Variants in RBPMS observed in about 807,000 individuals in gnomAD.
The protein encoded by RBPMS is RNA binding protein, mRNA processing factor.
In RBPMS, 7 loss-of-function variants were observed where a neutral mutation model predicts 26.8. The ratio of observed to expected loss-of-function variants is 0.26; its 90% CI spans 0.15 to 0.49. The LOEUF is 0.49. RBPMS is among the 20% of genes least tolerant of loss of function. RBPMS has a pLI of 0.98. For synonymous variants in RBPMS, 96 were observed against 93.3 expected (o/e 1.03, Z -0.17); for missense variants, 186 against 250.0 (o/e 0.74, Z 1.73).
At chr8:30,486,741 C>A (rs569354342) in intron 4 of RBPMS, among the ~76,000 whole-genome samples, 2 of 152,302 alleles carry the variant, frequency 1.3e-5, no homozygotes, top group African/African-American at 2.4e-5. Flanking sequence ...AAGAACCACA[C>A]GTTCTCACAC....
intron 5 of RBPMS, among the ~76,000 whole-genome samples, chr8:30,535,614 A>G (rs550844203): frequency 1.3e-5 from 2 of 152,356 alleles, no homozygotes; most frequent in East Asian, 3.9e-4. Context: ...TTCTTTAGAT[A>G]TAGGGTGTCA....
chr8:30,387,409 C>G (rs181815867), intron 1 of RBPMS: 3 of 152,100 alleles, frequency 2.0e-5, no homozygotes, highest in Admixed American at 2.0e-4. Flanking sequence ...TTCTTTCTAA[C>G]CCTGAAAGCC....
chr8:30,389,156 G>T (rs893892558), intron 1 of RBPMS, among the ~76,000 whole-genome samples: 10 of 152,218 alleles, frequency 6.6e-5, no homozygotes, highest in Admixed American at 2.0e-4. Context: ...CAAGATTGGG[G>T]ATCTCTGTTA....
intron 5 of RBPMS, among the ~76,000 whole-genome samples, chr8:30,530,971 A>G (rs567760097): frequency 6.6e-6 from 1 of 152,184 alleles, no homozygotes; most frequent in African/African-American, 2.4e-5. Flanking sequence ...ATGTATAAGT[A>G]TGGGCTTGTA....
intron 1 of RBPMS, among the ~76,000 whole-genome samples, chr8:30,443,143 A>G (rs186830954): frequency 1.3e-5 from 2 of 152,118 alleles, no homozygotes; most frequent in Non-Finnish European, 2.9e-5. Context: ...CTTCTCCACA[A>G]CCCGAATCTG....
rs917386213 is a variant in RBPMS, at chr8:30,561,508, G to A, written c.*7+2552G>A. 2.0e-5 allele frequency among the ~76,000 whole-genome samples: 3 copies of A among 152,150 alleles called. No individual in the cohort carries two copies. The South Asian group carries it at 6.2e-4, about 32-fold the overall frequency. ...ATGAGGTAACTGGAAATTCTGAAGC[G>A]CACAAGAGAAGGCATGGCTTGAAAC... On this transcript the variant is annotated intron_variant, in intron 7 of 8. Coordinates refer to ENST00000397323, the MANE Select transcript of RBPMS (RefSeq NM_001008710.3).
intron 5 of RBPMS, among the ~76,000 whole-genome samples, chr8:30,509,093 A>G (rs1821334912): frequency 6.6e-6 from 1 of 152,110 alleles, no homozygotes; most frequent in African/African-American, 2.4e-5. Flanking sequence ...AAAAATAATA[A>G]TTGTTCTTAT....
At chr8:30,493,620 G>C (rs916057284) in intron 4 of RBPMS, among the ~76,000 whole-genome samples, 1 of 152,038 alleles carries the variant, frequency 6.6e-6, no homozygotes, top group South Asian at 2.1e-4. Flanking sequence ...TTCTTTCCAT[G>C]TAATATTATC....
rs569717312 is a variant in RBPMS at position 30,410,004 on chromosome 8, C to G, written c.66+24846C>G. Among the ~76,000 whole-genome samples, 4 of 152,216 alleles carry G rather than the reference C, an allele frequency of 2.6e-5. No homozygotes were observed. In the South Asian group the frequency reaches 6.2e-4, roughly 24 times the overall value. ...CTCAGTTTTTTAAAAGACAATTCACCCAACAAGTATATATTGAATACCTAC... is the reference window on the plus strand; with the variant it reads ...CTCAGTTTTTTAAAAGACAATTCACGCAACAAGTATATATTGAATACCTAC... On this transcript the variant is annotated intron_variant, in intron 1 of 8. Transcript: ENST00000397323.
chr8:30,482,437 C>G (rs564740297), intron 4 of RBPMS, among the ~76,000 whole-genome samples: 1 of 152,204 alleles, frequency 6.6e-6, no homozygotes, highest in East Asian at 1.9e-4. Flanking sequence ...TTTGTTGTTT[C>G]TGTCTTGATT....
chr8:30,501,276 A>G (rs1302781190), intron 4 of RBPMS, among the ~76,000 whole-genome samples: 3 of 20,128 alleles, frequency 1.5e-4, no homozygotes, highest in African/African-American at 6.0e-4. Flanking sequence ...GACCCCTCCC[A>G]CCCCAACACC....
intron 5 of RBPMS, among the ~76,000 whole-genome samples, chr8:30,519,049 T>C (rs1303529816): frequency 1.3e-5 from 2 of 152,156 alleles, no homozygotes; most frequent in East Asian, 3.9e-4. Context: ...TAATGAACGT[T>C]TCCCTGTTAA....
intron 1 of RBPMS, among the ~76,000 whole-genome samples, chr8:30,417,769 AAC>A (rs1243075604): frequency 6.6e-6 from 1 of 152,242 alleles, no homozygotes; most frequent in African/African-American, 2.4e-5. Context: ...GTGCAGCTGT[AAC>A]ACATTCTTTT....
intron 4 of RBPMS, among the ~76,000 whole-genome samples, chr8:30,499,717 G>C (rs989273497): frequency 1.3e-5 from 2 of 152,182 alleles, no homozygotes; most frequent in African/African-American, 4.8e-5. Flanking sequence ...TCTTTCAGGA[G>C]ACTAAAGTGA....
intron 1 of RBPMS, among the ~76,000 whole-genome samples, chr8:30,470,686 A>G (rs896257335): frequency 1.3e-5 from 2 of 152,176 alleles, no homozygotes; most frequent in South Asian, 2.1e-4. Context: ...TTCTGAAACA[A>G]TAGTGGACTT....
chr8:30,550,713 T>G (rs749262663), intron 6 of RBPMS, among the ~76,000 whole-genome samples: 1 of 152,182 alleles, frequency 6.6e-6, no homozygotes, highest in Non-Finnish European at 1.5e-5. Context: ...CAGTGTGATC[T>G]TCACAGCTTA....
intron 5 of RBPMS, 74 bp downstream of exon 5, chr8:30,504,510 C>T: frequency 7.0e-7 from 1 of 1,438,084 alleles, no homozygotes. Flanking sequence ...GAGGTTACAC[C>T]ATGGGACATG....
At chr8:30,480,436 A>T (rs569582386) in intron 4 of RBPMS, among the ~76,000 whole-genome samples, 1 of 152,344 alleles carries the variant, frequency 6.6e-6, no homozygotes, top group African/African-American at 2.4e-5. Flanking sequence ...GGTGTCATTG[A>T]TACACAACCT....
At chr8:30,442,443 C>G (rs903200005) in intron 1 of RBPMS, among the ~76,000 whole-genome samples, 1 of 152,156 alleles carries the variant, frequency 6.6e-6, no homozygotes, top group East Asian at 1.9e-4. Context: ...TCACCCTCAC[C>G]GTGGCAACTC....
Sources: allele counts gnomAD v4.1 joint callset (sites outside exome capture counted in the v4.1 genomes callset), GRCh38; gene constraint gnomAD v4.1.1; transcripts MANE v1.5; gene names NCBI Gene and HGNC (gene_info 2026-07-23, HGNC 2026-07-21).